The following CNTN5 variants were observed in gnomAD, a reference collection of about 807,000 sequenced individuals.
CNTN5 encodes contactin-5.
In CNTN5, 77 loss-of-function variants were observed where a neutral mutation model predicts 129.1. The observed-to-expected ratio is 0.60, with a 90% CI of 0.50 to 0.72. The LOEUF (loss-of-function observed/expected upper bound fraction) is 0.72, where lower values mean the gene tolerates loss of function less well. Among genes scored for constraint, CNTN5 ranks in the 30% least tolerant of loss-of-function variants. The pLI, the probability that CNTN5 is intolerant of heterozygous loss-of-function variation, is 0.00. For synonymous variants in CNTN5, 509 were observed against 465.6 expected (o/e 1.09, Z -1.20); for missense variants, 1,478 against 1,328.8 (o/e 1.11, Z -1.75).
intron 3 of CNTN5, among the ~76,000 whole-genome samples, chr11:99,709,679 A>G (rs977256619): frequency 5.3e-5 from 8 of 151,888 alleles, no homozygotes; most frequent in Admixed American, 6.6e-5. Context: ...ATAAGTAAAT[A>G]ATGCCATCTA....
intron 9 of CNTN5, among the ~76,000 whole-genome samples, chr11:100,055,476 G>C (rs1208133449): frequency 2.0e-5 from 3 of 151,412 alleles, no homozygotes; most frequent in Middle Eastern, 3.4e-3. Context: ...TGGTTTATTG[G>C]TGAAAAACTT....
intron 13 of CNTN5, among the ~76,000 whole-genome samples, chr11:100,126,069 A>C (rs1946173165): frequency 6.6e-6 from 1 of 152,126 alleles, no homozygotes; most frequent in Non-Finnish European, 1.5e-5. Context: ...CCCAAAATTC[A>C]TTCAGGAGCA....
intron 1 of CNTN5, among the ~76,000 whole-genome samples, chr11:99,128,288 G>T (rs1858747943): frequency 6.6e-6 from 1 of 152,164 alleles, no homozygotes; most frequent in Admixed American, 6.5e-5. Flanking sequence ...GCTCTAGTAG[G>T]CAGTTCTCTC....
chr11:99,124,365 TGC>T (rs1009771741), intron 1 of CNTN5, among the ~76,000 whole-genome samples: 1 of 152,112 alleles, frequency 6.6e-6, no homozygotes, highest in Non-Finnish European at 1.5e-5. Context: ...AACTGACTTT[TGC>T]ACGTCGATTT....
intron 18 of CNTN5, among the ~76,000 whole-genome samples, chr11:100,287,599 T>G (rs200955817): frequency 1.3e-5 from 2 of 151,126 alleles, no homozygotes; most frequent in African/African-American, 2.4e-5. Flanking sequence ...AAAGAGCTCC[T>G]GAAGGAAGCA....
intron 3 of CNTN5, among the ~76,000 whole-genome samples, chr11:99,713,980 A>G (rs955199778): frequency 3.9e-5 from 6 of 151,954 alleles, no homozygotes; most frequent in Admixed American, 3.9e-4. Context: ...CATGCATGGC[A>G]TTGAAATTTT....
At chr11:99,584,395 T>C (rs2135635837) in intron 3 of CNTN5, among the ~76,000 whole-genome samples, 1 of 152,312 alleles carries the variant, frequency 6.6e-6, no homozygotes, top group South Asian at 2.1e-4. Flanking sequence ...CAGAAGGACC[T>C]TGGAGATGCT....
At position 99,125,355 on chromosome 11, in the gene CNTN5, C is replaced by A. The variant is rs924037179; in HGVS notation, c.-210+104085C>A. 8.6e-4 allele frequency among the ~76,000 whole-genome samples: 114 copies of A among 133,190 alleles called. 1 individual carries two copies. The highest frequency in any genetic ancestry group is 2.7e-3 in the African/African-American group (103 of 37,458). The allele number at this position is 133,190 out of a possible 152,430, so 87.4% of individuals were successfully genotyped here. On this transcript the variant is annotated intron_variant, in intron 1 of 24. Transcript: ENST00000524871. ...CACATCAACAGAACTAAAAAAAAAACCAGATTATTTCAGTAGGTGCAAGAA... is the reference window on the plus strand; with the variant it reads ...CACATCAACAGAACTAAAAAAAAAAACAGATTATTTCAGTAGGTGCAAGAA...
chr11:99,586,096 CAA>C, intron 3 of CNTN5, among the ~76,000 whole-genome samples: 1 of 152,094 alleles, frequency 6.6e-6, no homozygotes. Flanking sequence ...AATCCCGTTC[CAA>C]ATGGCCTCAT....
chr11:100,305,302 A>G (rs1591497924), intron 20 of CNTN5, among the ~76,000 whole-genome samples: 1 of 151,720 alleles, frequency 6.6e-6, no homozygotes, highest in East Asian at 2.0e-4. Flanking sequence ...GAGGTAAGAA[A>G]TAAAAACAAT....
At chr11:99,119,337 T>G (rs1858193800) in intron 1 of CNTN5, among the ~76,000 whole-genome samples, 1 of 152,152 alleles carries the variant, frequency 6.6e-6, no homozygotes, top group Non-Finnish European at 1.5e-5. Context: ...GTTCTCTCTA[T>G]GTCCATGTCT....
chr11:99,825,335 A>G (rs1322416470), intron 4 of CNTN5, among the ~76,000 whole-genome samples: 1 of 151,976 alleles, frequency 6.6e-6, no homozygotes, highest in African/African-American at 2.4e-5. Flanking sequence ...AACTTAGTCT[A>G]TAGTGATTAT....
At position 100,338,789 on chromosome 11, in the gene CNTN5, G is replaced by T. The variant is rs187306221; in HGVS notation, c.2731-1674G>T. Among the ~76,000 whole-genome samples, 5 of 151,536 alleles carry T rather than the reference G, an allele frequency of 3.3e-5. No individual in the cohort carries two copies. In the East Asian group the frequency reaches 5.9e-4, roughly 18 times the overall value. On this transcript the variant is annotated intron_variant, in intron 21 of 24. Transcript: ENST00000524871. ...TGGGACCCATGGCAGTGCCCAGGTGGTGCTAGGTGCCTGTGACCCCTAAGC... is the reference window on the plus strand; with the variant it reads ...TGGGACCCATGGCAGTGCCCAGGTGTTGCTAGGTGCCTGTGACCCCTAAGC...
intron 2 of CNTN5, among the ~76,000 whole-genome samples, chr11:99,338,919 G>T (rs1032827958): frequency 5.5e-5 from 7 of 126,962 alleles, no homozygotes; most frequent in South Asian, 2.6e-4. Context: ...TTCATTCACA[G>T]ATATATATAT....
At chr11:100,039,686 C>G (rs1485176751) in intron 9 of CNTN5, among the ~76,000 whole-genome samples, 1 of 152,080 alleles carries the variant, frequency 6.6e-6, no homozygotes, top group Non-Finnish European at 1.5e-5. Context: ...TCTTTTTTCT[C>G]TAAACTTGTC....
chr11:100,332,493 G>A (rs1251264374), intron 21 of CNTN5, among the ~76,000 whole-genome samples: 1 of 152,038 alleles, frequency 6.6e-6, no homozygotes, highest in Admixed American at 6.6e-5. Flanking sequence ...AATGAAGCCA[G>A]TATCATCCTA....
At chr11:100,054,227 A>G (rs1366898050) in intron 9 of CNTN5, among the ~76,000 whole-genome samples, 1 of 151,788 alleles carries the variant, frequency 6.6e-6, no homozygotes, top group Non-Finnish European at 1.5e-5. Context: ...AAGGCAAGCC[A>G]TACTCAAAGC....
chr11:99,514,454 G>A (rs1357334452), intron 2 of CNTN5, among the ~76,000 whole-genome samples: 1 of 151,970 alleles, frequency 6.6e-6, no homozygotes, highest in African/African-American at 2.4e-5. Flanking sequence ...ATGCTACCGA[G>A]AAATCTTTCA....
intron 3 of CNTN5, among the ~76,000 whole-genome samples, chr11:99,735,162 G>A (rs1049742805): frequency 8.5e-5 from 13 of 152,142 alleles, no homozygotes; most frequent in African/African-American, 2.9e-4. Context: ...TCCTTATGGA[G>A]CTTACCTTTT....
Sources: gnomAD v4.1 joint callset for allele counts (sites outside exome capture counted in the v4.1 genomes callset) on GRCh38, gnomAD v4.1.1 for gene constraint, MANE v1.5 for transcripts, NCBI Gene and HGNC (gene_info 2026-07-23, HGNC 2026-07-21) for gene names.